The following PLEKHG1 variants were observed in gnomAD, a reference collection of about 807,000 sequenced individuals.
PLEKHG1 encodes pleckstrin homology and RhoGEF domain containing G1, also known as pleckstrin homology domain-containing family G member 1.
A neutral mutation model predicts 100.8 loss-of-function variants in PLEKHG1; 44 were observed. The ratio of observed to expected loss-of-function variants is 0.44; its 90% CI spans 0.34 to 0.56. PLEKHG1 has a LOEUF of 0.56. PLEKHG1 is among the 20% of genes least tolerant of loss of function. The pLI is 0.01. For missense variants in PLEKHG1, 1,545 were observed against 1,720.9 expected, an observed-to-expected ratio of 0.90 and a Z score of 1.81; for synonymous variants, 640 against 662.5, an observed-to-expected ratio of 0.97 and a Z score of 0.52.
intron 6 of PLEKHG1, among the ~76,000 whole-genome samples, chr6:150,803,912 G>A (rs1219592341): frequency 1.3e-5 from 2 of 151,590 alleles, no homozygotes; most frequent in Non-Finnish European, 2.9e-5. Flanking sequence ...TATAACATTG[G>A]CCACCAGGAA....
chr6:150,688,156 T>A (rs976393833), intron 3 of PLEKHG1, among the ~76,000 whole-genome samples: 1 of 151,896 alleles, frequency 6.6e-6, no homozygotes, highest in South Asian at 2.1e-4. Context: ...TCACAGTATT[T>A]AAAAAATTAA....
intron 3 of PLEKHG1, among the ~76,000 whole-genome samples, chr6:150,651,583 G>A (rs1778736995): frequency 1.3e-5 from 2 of 152,004 alleles, no homozygotes; most frequent in African/African-American, 2.4e-5. Context: ...TTTAGACCAG[G>A]TACAGTGGCT....
rs543749681 is a variant in PLEKHG1 at position 150,629,525 on chromosome 6, A to G, written c.-203-8555A>G. Among the ~76,000 whole-genome samples, 6 of 152,182 alleles carry G rather than the reference A, an allele frequency of 3.9e-5. No individual in the cohort carries two copies. In the South Asian group the frequency reaches 1.2e-3, roughly 32 times the overall value. ...GCCCAGGCTGGAGTGCAGTGGCGCA[A>G]TCTCGGCTTACTGCAACCTCCGCCT... On this transcript the variant is annotated intron_variant, in intron 1 of 3. Coordinates refer to the PLEKHG1 transcript ENST00000367326.
chr6:150,622,611 C>A (rs1045532760), intron 1 of PLEKHG1, among the ~76,000 whole-genome samples: 1 of 152,324 alleles, frequency 6.6e-6, no homozygotes, highest in African/African-American at 2.4e-5. Context: ...CCAGCCTCCC[C>A]CTCCCAGTGT....
At chr6:150,690,843 G>A (rs1169805265) in intron 3 of PLEKHG1, among the ~76,000 whole-genome samples, 4 of 152,184 alleles carry the variant, frequency 2.6e-5, no homozygotes, top group Non-Finnish European at 4.4e-5. Context: ...GTGATTTCAG[G>A]AATTCTGTTC....
At chr6:150,629,779 A>G (rs62434103) in intron 1 of PLEKHG1, among the ~76,000 whole-genome samples, 11,646 of 152,236 alleles carry the variant, frequency 0.076, 551 homozygotes, top group Non-Finnish European at 0.11. Context: ...TTTTTTAAAA[A>G]TCTATACTTC....
At chr6:150,691,957 C>A (rs1026204542) in intron 3 of PLEKHG1, among the ~76,000 whole-genome samples, 11 of 152,220 alleles carry the variant, frequency 7.2e-5, no homozygotes, top group Non-Finnish European at 1.5e-5. Flanking sequence ...CTTGAAGGAA[C>A]AAGAGACCAG....
chr6:150,601,123 C>A (rs963574164), intron 1 of PLEKHG1, among the ~76,000 whole-genome samples: 2 of 152,128 alleles, frequency 1.3e-5, no homozygotes, highest in African/African-American at 4.8e-5. Flanking sequence ...ACTCTAGGGT[C>A]CAGTTTGTCA....
At chr6:150,680,682 C>T (rs576113536) in intron 3 of PLEKHG1, among the ~76,000 whole-genome samples, 13 of 152,234 alleles carry the variant, frequency 8.5e-5, no homozygotes, top group Admixed American at 5.2e-4. Flanking sequence ...AGATGTTATA[C>T]GCAGAAGAGA....
chr6:150,830,750 C>G (rs1254734931), exon 15 of PLEKHG1: 2 of 1,614,018 alleles, frequency 1.2e-6, no homozygotes, highest in Non-Finnish European at 1.7e-6. Context: ...TCCCAGCCGA[C>G]GGTCCCCGCA....
intron 3 of PLEKHG1, among the ~76,000 whole-genome samples, chr6:150,708,490 G>A (rs1398900018): frequency 6.6e-6 from 1 of 151,986 alleles, no homozygotes; most frequent in Admixed American, 6.6e-5. Flanking sequence ...TCCCCCCTTA[G>A]GCCCCTTGTA....
intron 3 of PLEKHG1, among the ~76,000 whole-genome samples, chr6:150,713,597 A>G (rs1486812289): frequency 2.0e-5 from 3 of 152,098 alleles, no homozygotes; most frequent in African/African-American, 7.2e-5. Context: ...CAAGGATGGT[A>G]ATTGCTGAGG....
chr6:150,608,960 G>A (rs1776714044), intron 1 of PLEKHG1, among the ~76,000 whole-genome samples: 1 of 152,160 alleles, frequency 6.6e-6, no homozygotes, highest in Admixed American at 6.5e-5. Context: ...ATCTTATTGT[G>A]TTTACTGGTT....
intron 2 of PLEKHG1, among the ~76,000 whole-genome samples, chr6:150,747,406 G>A (rs995608537): frequency 6.6e-6 from 1 of 152,188 alleles, no homozygotes; most frequent in East Asian, 1.9e-4. Context: ...AGACAGCTTG[G>A]ACTAACTCAT....
At chr6:150,718,714 T>A (rs1447807030), upstream of PLEKHG1, among the ~76,000 whole-genome samples, 1 of 152,128 alleles carries the variant, frequency 6.6e-6, no homozygotes, top group African/African-American at 2.4e-5. Context: ...GTGATCCACC[T>A]GCCTTGGCTT....
intron 1 of PLEKHG1, among the ~76,000 whole-genome samples, chr6:150,627,459 C>T (rs905283103): frequency 6.6e-6 from 1 of 152,006 alleles, no homozygotes; most frequent in Non-Finnish European, 1.5e-5. Flanking sequence ...TAGTGCAGAT[C>T]CCAAGGGTGA....
chr6:150,709,829 C>G (rs1309419291), intron 3 of PLEKHG1, among the ~76,000 whole-genome samples: 1 of 152,070 alleles, frequency 6.6e-6, no homozygotes, highest in African/African-American at 2.4e-5. Context: ...TTCTTTTGCC[C>G]AGGCTGGACT....
intron 7 of PLEKHG1, among the ~76,000 whole-genome samples, chr6:150,805,160 C>G (rs1786989654): frequency 6.6e-6 from 1 of 152,092 alleles, no homozygotes; most frequent in East Asian, 1.9e-4. Context: ...GTCTCGAACT[C>G]CCGACCTCAG....
chr6:150,818,781 G>A (rs1028415819), intron 11 of PLEKHG1, among the ~76,000 whole-genome samples: 11 of 152,158 alleles, frequency 7.2e-5, no homozygotes, highest in African/African-American at 9.7e-5. Context: ...AGATTAAATA[G>A]AATAAAAAGA....
Sources: gnomAD v4.1 joint callset for allele counts (sites outside exome capture counted in the v4.1 genomes callset) on GRCh38, gnomAD v4.1.1 for gene constraint, MANE v1.5 for transcripts, NCBI Gene and HGNC (gene_info 2026-07-23, HGNC 2026-07-21) for gene names.